The following ADAMTS3 variants were observed in gnomAD, a reference collection of about 807,000 sequenced individuals.
ADAMTS3 encodes the protein ADAM metallopeptidase with thrombospondin type 1 motif 3.
Under a neutral mutation model 129.0 loss-of-function variants are expected in ADAMTS3, and 73 were observed. That is an observed-to-expected ratio of 0.57 (90% CI 0.47 to 0.69). The LOEUF (loss-of-function observed/expected upper bound fraction) is 0.69. ADAMTS3 is among the 30% of genes least tolerant of loss of function. The probability of loss-of-function intolerance (pLI) is 0.00; values close to 1 mark genes in which losing one functional copy is unlikely to be tolerated. For synonymous variants in ADAMTS3, 477 were observed against 510.8 expected, an observed-to-expected ratio of 0.93 and a Z score of 0.89; for missense variants, 1,457 against 1,514.5, an observed-to-expected ratio of 0.96 and a Z score of 0.63.
At chr4:72,459,712 G>C (rs1055339891) in intron 3 of ADAMTS3, among the ~76,000 whole-genome samples, 3 of 151,458 alleles carry the variant, frequency 2.0e-5, no homozygotes, top group African/African-American at 7.3e-5. Context: ...ACATAACCAG[G>C]GAAAGGTTTG....
chr4:72,423,336 A>G (rs1411928376), intron 3 of ADAMTS3, among the ~76,000 whole-genome samples: 1 of 152,172 alleles, frequency 6.6e-6, no homozygotes, highest in Non-Finnish European at 1.5e-5. Flanking sequence ...TTGTGTGTGT[A>G]AGACGGAGAA....
chr4:72,309,528 G>C lies in ADAMTS3; in HGVS notation c.2056-8C>G, dbSNP rs1560466904. 4.3e-6 allele frequency: 7 copies of C among 1,610,814 alleles called. No homozygotes were observed. Among genetic ancestry groups the C allele is most frequent in the Admixed American group, 1.7e-5 (1 of 59,878 alleles). ...TTTATCACAGCCCACTTTCTGGAGA[G>C]AGAAGATGTCAAATGTGGCTAATTT... On this transcript the variant is annotated splice_polypyrimidine_tract_variant and splice_region_variant and intron_variant, in intron 14 of 21. Transcript: ENST00000286657.
chr4:72,283,735 C>T, intron 21 of ADAMTS3, 31 bp from the exon 22 acceptor site: 1 of 1,498,200 alleles, frequency 6.7e-7, no homozygotes, highest in Non-Finnish European at 8.9e-7. Flanking sequence ...TAAACTAACA[C>T]TAGCATCTAA....
At chr4:72,470,144 TAC>T (rs1719028679) in intron 3 of ADAMTS3, among the ~76,000 whole-genome samples, 1 of 151,968 alleles carries the variant, frequency 6.6e-6, no homozygotes, top group Non-Finnish European at 1.5e-5. Context: ...GAATGCTCAA[TAC>T]TGTTTTAGTC....
At chr4:72,433,653 C>A (rs1377116000) in intron 3 of ADAMTS3, among the ~76,000 whole-genome samples, 3 of 151,806 alleles carry the variant, frequency 2.0e-5, no homozygotes, top group African/African-American at 7.2e-5. Flanking sequence ...TGGTATGGTT[C>A]TATAACAAAT....
chr4:72,522,945 A>C (rs1218287274), intron 3 of ADAMTS3, among the ~76,000 whole-genome samples: 4 of 152,276 alleles, frequency 2.6e-5, no homozygotes, highest in Non-Finnish European at 5.9e-5. Context: ...AGTCATAAAA[A>C]CATAAAACAT....
chr4:72,393,531 G>A lies in ADAMTS3; in HGVS notation c.661+21284C>T, dbSNP rs563303922. Among the ~76,000 whole-genome samples the A allele has an allele frequency of 1.1e-3, 171 of 152,118 alleles. 3 individuals carry two copies. Among genetic ancestry groups the A allele is most frequent in the Non-Finnish European group, 4.7e-4 (32 of 68,000 alleles). On this transcript the variant is annotated intron_variant, in intron 4 of 21. Transcript: ENST00000286657. ...CCACCTCCCAATTACTATCCCATTC[G>A]CAAAGGAAGTCAGTATCTGTGCTAT...
Position 72,563,778 on chromosome 4 carries a change from C to T in ADAMTS3, c.97+3596G>A, listed in dbSNP as rs533246886. ...CAAGGAAATTCAGAACATAGATAAA[C>T]CTTAATATAATAATATCCTGCTTGC... On this transcript the variant is annotated intron_variant, in intron 2 of 21. Coordinates refer to ENST00000286657, the MANE Select transcript of ADAMTS3 (RefSeq NM_014243.3). Among the ~76,000 whole-genome samples, 177 of 152,176 alleles carry T rather than the reference C, an allele frequency of 1.2e-3. 2 individuals are homozygous for T. Among genetic ancestry groups the T allele is most frequent in the African/African-American group, 4.2e-3 (173 of 41,528 alleles).
At chr4:72,419,507 A>C (rs1722390683) in intron 3 of ADAMTS3, among the ~76,000 whole-genome samples, 1 of 152,182 alleles carries the variant, frequency 6.6e-6, no homozygotes, top group South Asian at 2.1e-4. Flanking sequence ...AAAGGTTCTA[A>C]AGCAAGCTTG....
chr4:72,474,579 A>T (rs1298616800), intron 3 of ADAMTS3, among the ~76,000 whole-genome samples: 3 of 152,192 alleles, frequency 2.0e-5, no homozygotes, highest in Admixed American at 2.0e-4. Flanking sequence ...TACTTAAAAA[A>T]AAAATCTGAC....
intron 4 of ADAMTS3, among the ~76,000 whole-genome samples, chr4:72,412,272 T>G (rs1722202584): frequency 6.6e-6 from 1 of 152,072 alleles, no homozygotes; most frequent in Non-Finnish European, 1.5e-5. Flanking sequence ...CCTCATATGT[T>G]TCCTAAAATA....
intron 3 of ADAMTS3, among the ~76,000 whole-genome samples, chr4:72,447,880 A>G (rs530897186): frequency 6.6e-6 from 1 of 151,762 alleles, no homozygotes; most frequent in African/African-American, 2.4e-5. Flanking sequence ...TATTTTTGCT[A>G]ACCTGGAGAC....
rs555423352 is a variant in ADAMTS3 at position 72,495,769 on chromosome 4, T to C, written c.504+52709A>G. 1.8e-4 allele frequency among the ~76,000 whole-genome samples: 28 copies of C among 152,250 alleles called. No individual in the cohort carries two copies. The South Asian group carries it at 1.9e-3, about 10-fold the overall frequency. On this transcript the variant is annotated intron_variant, in intron 3 of 21. Transcript: ENST00000286657. ...GCTGCCAACCCAGATCTTTAGAACA[T>C]TACAAACAATTTTGGAAAAGGACAC... is the stretch of plus-strand genomic sequence containing the variant.
At chr4:72,506,051 C>T (rs774911992) in intron 3 of ADAMTS3, among the ~76,000 whole-genome samples, 65 of 152,322 alleles carry the variant, frequency 4.3e-4, no homozygotes, top group South Asian at 1.9e-3. Flanking sequence ...AGGGCACCCC[C>T]ATACCCAGAT....
chr4:72,309,606 G>A, intron 14 of ADAMTS3, 86 bp from the exon 15 acceptor site: 2 of 1,470,966 alleles, frequency 1.4e-6, no homozygotes, highest in East Asian at 2.3e-5. Flanking sequence ...CCTTTGTTCA[G>A]TCATGGCCCA....
chr4:72,426,057 T>C (rs530545709), intron 3 of ADAMTS3, among the ~76,000 whole-genome samples: 54 of 152,306 alleles, frequency 3.5e-4, no homozygotes, highest in Non-Finnish European at 6.3e-4. Flanking sequence ...CTCACTGTGG[T>C]TTTGATTTGC....
intron 3 of ADAMTS3, among the ~76,000 whole-genome samples, chr4:72,515,523 C>A (rs1168915429): frequency 6.7e-6 from 1 of 148,172 alleles, no homozygotes; most frequent in African/African-American, 2.5e-5. Flanking sequence ...TTAATGATTG[C>A]CATTCTAACT....
chr4:72,520,138 G>A (rs1207733407), intron 3 of ADAMTS3, among the ~76,000 whole-genome samples: 1 of 152,208 alleles, frequency 6.6e-6, no homozygotes, highest in Non-Finnish European at 1.5e-5. Flanking sequence ...CAGCAGCGGT[G>A]GCTGCAGAAC....
chr4:72,488,682 A>C (rs569298284), intron 3 of ADAMTS3, among the ~76,000 whole-genome samples: 2 of 152,118 alleles, frequency 1.3e-5, no homozygotes, highest in African/African-American at 4.8e-5. Context: ...TATATATTTA[A>C]GGCATAAAAT....
Sources: allele counts gnomAD v4.1 joint callset (sites outside exome capture counted in the v4.1 genomes callset), GRCh38; gene constraint gnomAD v4.1.1; transcripts MANE v1.5; gene names NCBI Gene and HGNC (gene_info 2026-07-23, HGNC 2026-07-21).